Variants in PPP2R5A observed in about 807,000 individuals in gnomAD.
The protein encoded by PPP2R5A is protein phosphatase 2 regulatory subunit B'alpha.
In PPP2R5A, 25 loss-of-function variants were observed where a neutral mutation model predicts 64.2. That is an observed-to-expected ratio of 0.39 (90% confidence interval 0.28 to 0.54). PPP2R5A has a LOEUF of 0.54. PPP2R5A is among the 20% of genes least tolerant of loss of function. PPP2R5A has a pLI of 0.67. For missense variants in PPP2R5A, 425 were observed against 576.3 expected, an observed-to-expected ratio of 0.74 and a Z score of 2.69; for synonymous variants, 198 against 201.2, an observed-to-expected ratio of 0.98 and a Z score of 0.13.
At chr1:212,322,527 A>G (rs889460891) in intron 1 of PPP2R5A, among the ~76,000 whole-genome samples, 2 of 152,156 alleles carry the variant, frequency 1.3e-5, no homozygotes, top group African/African-American at 4.8e-5. Context: ...GATAACTACT[A>G]TAAAAATGTT....
At chr1:212,321,334 CCCTT>C (rs1659286203) in intron 1 of PPP2R5A, among the ~76,000 whole-genome samples, 1 of 147,604 alleles carries the variant, frequency 6.8e-6, no homozygotes, top group Non-Finnish European at 1.5e-5. Flanking sequence ...CCCCCCACCT[CCCTT>C]CCGGACGGGG....
chr1:212,331,840 T>G (rs1219456223), intron 2 of PPP2R5A: 2 of 152,152 alleles, frequency 1.3e-5, no homozygotes, highest in African/African-American at 4.8e-5. Context: ...AATATTTTAT[T>G]TTGATTTCTG....
Position 212,290,356 on chromosome 1 carries a change from C to A in PPP2R5A, c.181+4065C>A, listed in dbSNP as rs2102409278. 1.3e-5 allele frequency among the ~76,000 whole-genome samples: 2 copies of A among 152,324 alleles called. 1 individual carries two copies. Among genetic ancestry groups the A allele is most frequent in the East Asian group, 3.9e-4 (2 of 5,186 alleles). On this transcript the variant is annotated intron_variant, in intron 1 of 12. Coordinates refer to ENST00000261461, the MANE Select transcript of PPP2R5A (RefSeq NM_006243.4). ...CACTCAACTTTTAAGGTTTATAGAT[C>A]TTCTCAAAGTTACTATCATTCCATC...
intron 1 of PPP2R5A, among the ~76,000 whole-genome samples, chr1:212,304,605 G>T (rs1299133685): frequency 6.6e-6 from 1 of 152,112 alleles, no homozygotes; most frequent in Non-Finnish European, 1.5e-5. Context: ...CTTGAGTGCA[G>T]TGGCCGTTCA....
rs751228809 is a variant in PPP2R5A at position 212,316,587 on chromosome 1, C to CTTTTTTTTTTTTTTTTTTTTTTT, written c.182-12544_182-12522dup. Reference sequence around the variant, plus strand: ...ATGGATATTTAACCTTTGTGGGTGACTTTTTTTTTTTTTTTTTTTTTTTTT... The same window carrying CTTTTTTTTTTTTTTTTTTTTTTT: ...ATGGATATTTAACCTTTGTGGGTGACTTTTTTTTTTTTTTTTTTTTTTTTTTTTTTTTTTTTTTTTTTTTTTTT... On this transcript the variant is annotated intron_variant, in intron 1 of 12. Transcript: ENST00000261461. Among the ~76,000 whole-genome samples the CTTTTTTTTTTTTTTTTTTTTTTT allele has an allele frequency of 4.9e-4, 18 of 36,670 alleles. 1 individual carries two copies. The highest frequency in any genetic ancestry group is 9.1e-4 in the Admixed American group (2 of 2,194). The allele number at this position is 36,670 out of a possible 152,430, so 24.1% of individuals were successfully genotyped here. A position where few individuals can be genotyped will look rare whatever the true frequency, so the allele number is the denominator to read the frequency against.
At chr1:212,318,056 A>G (rs1659192599) in intron 1 of PPP2R5A, among the ~76,000 whole-genome samples, 1 of 152,238 alleles carries the variant, frequency 6.6e-6, no homozygotes, top group African/African-American at 2.4e-5. Context: ...TGAGTTTTAA[A>G]AGGTATGTTA....
chr1:212,299,517 A>G (rs1658761001), intron 1 of PPP2R5A: 1 of 152,204 alleles, frequency 6.6e-6, no homozygotes, highest in Admixed American at 6.5e-5. Context: ...TATCTTTCTG[A>G]TCATTTTTTC....
intron 1 of PPP2R5A, among the ~76,000 whole-genome samples, chr1:212,313,982 A>T (rs1175269936): frequency 6.6e-6 from 1 of 152,240 alleles, no homozygotes; most frequent in Non-Finnish European, 1.5e-5. Context: ...GGGGGAAAAC[A>T]TTGATTCTTC....
chr1:212,322,816 C>T (rs564649429), intron 1 of PPP2R5A, among the ~76,000 whole-genome samples: 34 of 150,770 alleles, frequency 2.3e-4, no homozygotes, highest in African/African-American at 5.8e-4. Flanking sequence ...GATGGAGTCT[C>T]GCTCTGTCGC....
At chr1:212,341,731 G>A (rs568671261) in intron 3 of PPP2R5A, among the ~76,000 whole-genome samples, 9 of 151,988 alleles carry the variant, frequency 5.9e-5, no homozygotes, top group African/African-American at 1.9e-4. Flanking sequence ...AGGTTTGTTT[G>A]TTTATTTATT....
chr1:212,315,496 A>C (rs1377167708), intron 1 of PPP2R5A, among the ~76,000 whole-genome samples: 1 of 152,258 alleles, frequency 6.6e-6, no homozygotes, highest in African/African-American at 2.4e-5. Context: ...CTTCCTAAGT[A>C]GGTTTCATAA....
intron 1 of PPP2R5A, among the ~76,000 whole-genome samples, chr1:212,321,893 G>A (rs1182331219): frequency 1.3e-5 from 2 of 151,214 alleles, no homozygotes; most frequent in East Asian, 3.9e-4. Flanking sequence ...TCCAGCCTGG[G>A]CACCATTGAG....
intron 1 of PPP2R5A, among the ~76,000 whole-genome samples, chr1:212,325,612 T>C (rs1309379611): frequency 2.0e-5 from 3 of 152,112 alleles, no homozygotes; most frequent in East Asian, 3.8e-4. Context: ...TCTCAAGATA[T>C]GGCAACTGTT....
intron 1 of PPP2R5A, among the ~76,000 whole-genome samples, chr1:212,308,667 C>A (rs1218550682): frequency 6.6e-6 from 1 of 152,106 alleles, no homozygotes; most frequent in African/African-American, 2.4e-5. Context: ...CCTCGGCCTC[C>A]CAAAGTGCTG....
rs1444908684 is a variant in PPP2R5A, at chr1:212,361,702, T to TTGTA, written c.*936_*939dup. ...TGAAAAGGTTGACTATATAGAGGTCTTGTATGTTTTTACTTGGTCAAGTAT... is the reference window on the plus strand; with the variant it reads ...TGAAAAGGTTGACTATATAGAGGTCTTGTATGTATGTTTTTACTTGGTCAAGTAT... On this transcript the variant is annotated 3_prime_UTR_variant, in exon 13 of 13. Coordinates refer to ENST00000261461, the MANE Select transcript of PPP2R5A (RefSeq NM_006243.4). 6.5e-6 allele frequency: 1 copy of TTGTA among 152,710 alleles called. No homozygotes were observed. Among genetic ancestry groups the TTGTA allele is most frequent in the African/African-American group, 2.4e-5 (1 of 41,468 alleles). The allele number at this position is 152,710 out of a possible 1,614,324, so 9.5% of individuals were successfully genotyped here.
chr1:212,295,485 T>C (rs1383237292), intron 1 of PPP2R5A, among the ~76,000 whole-genome samples: 1 of 152,170 alleles, frequency 6.6e-6, no homozygotes, highest in Admixed American at 6.5e-5. Flanking sequence ...AGAGATAATT[T>C]GAGAGTCTTT....
intron 2 of PPP2R5A, among the ~76,000 whole-genome samples, chr1:212,331,167 CAAA>C (rs10712005): frequency 3.9e-4 from 44 of 112,126 alleles, no homozygotes; most frequent in East Asian, 1.0e-3. Context: ...GACCTTGTCT[CAAA>C]AAAAAAAAAA....
chr1:212,348,302 C>G, intron 6 of PPP2R5A, 87 bp from the exon 7 acceptor site: 1 of 816,510 alleles, frequency 1.2e-6, no homozygotes, highest in Non-Finnish European at 2.1e-6. Flanking sequence ...AAGCATAGCA[C>G]TGTTCCTTAT....
At chr1:212,346,025 A>G (rs1030033452) in intron 5 of PPP2R5A, 92 bp downstream of exon 5, 12 of 1,268,266 alleles carry the variant, frequency 9.5e-6, no homozygotes, top group Non-Finnish European at 1.3e-5. Flanking sequence ...TTTTTGAGAC[A>G]GGGTCTCACT....
Sources: gnomAD v4.1 joint callset for allele counts (sites outside exome capture counted in the v4.1 genomes callset) on GRCh38, gnomAD v4.1.1 for gene constraint, MANE v1.5 for transcripts, NCBI Gene and HGNC (gene_info 2026-07-23, HGNC 2026-07-21) for gene names.